The following WIPF2 variants were observed in gnomAD, a reference collection of about 807,000 sequenced individuals.
The protein encoded by WIPF2 is WAS/WASL-interacting protein family member 2.
In WIPF2, 23 loss-of-function variants were observed where a neutral mutation model predicts 38.8. The ratio of observed to expected loss-of-function variants is 0.59; its 90% CI spans 0.43 to 0.84. WIPF2 has a LOEUF of 0.84. Ranked by LOEUF, WIPF2 falls within the 40% of genes least tolerant of loss-of-function variation. WIPF2 has a pLI of 0.00. For missense variants in WIPF2, 574 were observed against 580.5 expected (o/e 0.99, Z 0.11); for synonymous variants, 210 against 223.2 (o/e 0.94, Z 0.53).
At chr17:40,251,837 G>A (rs886920657) in intron 1 of WIPF2, among the ~76,000 whole-genome samples, 1 of 152,240 alleles carries the variant, frequency 6.6e-6, no homozygotes, top group Non-Finnish European at 1.5e-5. Context: ...AAATGTCATT[G>A]ATAGGAGTGT....
intron 5 of WIPF2, among the ~76,000 whole-genome samples, chr17:40,269,464 TCACGCCACTG>T (rs2032183782): frequency 6.6e-6 from 1 of 151,186 alleles, no homozygotes; most frequent in Admixed American, 6.6e-5. Context: ...AGAGCTGAGA[TCACGCCACTG>T]CACTCCAGCC....
chr17:40,276,967 C>T, intron 6 of WIPF2, 116 bp from the exon 7 acceptor site: 9 of 876,188 alleles, frequency 1.0e-5, no homozygotes. Flanking sequence ...GGCAGTAGGT[C>T]CTCACAGTAC....
intron 6 of WIPF2, among the ~76,000 whole-genome samples, 181 bp from the exon 7 acceptor site, chr17:40,276,902 A>G (rs1212856375): frequency 6.6e-6 from 1 of 152,164 alleles, no homozygotes; most frequent in Non-Finnish European, 1.5e-5. Context: ...TGCTCTGTGC[A>G]TGCAAGGCAC....
At chr17:40,253,521 A>C (rs1305852994) in intron 1 of WIPF2, among the ~76,000 whole-genome samples, 1 of 152,128 alleles carries the variant, frequency 6.6e-6, no homozygotes, top group Non-Finnish European at 1.5e-5. Context: ...CCTTTCCCCC[A>C]CCTGGTGATA....
intron 1 of WIPF2, among the ~76,000 whole-genome samples, chr17:40,250,978 A>G (rs964774178): frequency 2.1e-5 from 3 of 145,228 alleles, no homozygotes; most frequent in African/African-American, 5.2e-5. Context: ...CAGTGGCGCA[A>G]TCTCGGCTCA....
At chr17:40,243,666 A>G (rs897596545) in intron 1 of WIPF2, among the ~76,000 whole-genome samples, 3 of 151,448 alleles carry the variant, frequency 2.0e-5, no homozygotes, top group African/African-American at 7.3e-5. Flanking sequence ...GGCATACGCC[A>G]CCACACCCGG....
intron 2 of WIPF2, among the ~76,000 whole-genome samples, chr17:40,257,519 G>A (rs1048724516): frequency 1.8e-4 from 27 of 151,906 alleles, no homozygotes; most frequent in African/African-American, 6.3e-4. Context: ...ACATGAGAAG[G>A]AAGGAACCTG....
At chr17:40,222,654 G>GTTTTTTTTT (rs58758484) in intron 1 of WIPF2, among the ~76,000 whole-genome samples, 9 of 52,860 alleles carry the variant, frequency 1.7e-4, no homozygotes, top group Admixed American at 2.7e-4. Context: ...TGCATATTCA[G>GTTTTTTTTT]TTTTTTTTTT....
chr17:40,271,355 T>A (rs547162602), intron 5 of WIPF2, among the ~76,000 whole-genome samples: 1 of 152,342 alleles, frequency 6.6e-6, no homozygotes, highest in African/African-American at 2.4e-5. Flanking sequence ...GTCACAACTA[T>A]TTATTGGGCC....
chr17:40,264,948 C>T lies in WIPF2; in HGVS notation c.772C>T (p.Pro258Ser). The T allele has an allele frequency of 6.2e-7, 1 of 1,614,220 alleles. No homozygotes were observed. Among genetic ancestry groups the T allele is most frequent in the South Asian group, 1.1e-5 (1 of 91,090 alleles). ...TCCTCCTCCTCCGCCTTACCGCCAG[C>T]CTCCTGGGGTCCCCAATGGACCCTC... The part of the protein sequence containing the change: ...LAPPPPPYRQ[P>S]PGVPNGPSSP... The change falls in exon 5 of 8, where the codon CCT (proline) becomes TCT (serine). Residue 258 changes from proline (P) to serine (S), a missense_variant. Transcript: ENST00000323571.
Position 40,265,056 on chromosome 17 carries a change from C to T in WIPF2, c.880C>T (p.Leu294=), listed in dbSNP as rs752070798. 4.3e-6 allele frequency: 7 copies of T among 1,614,042 alleles called. No homozygotes were observed. The highest frequency in any genetic ancestry group is 1.7e-5 in the Admixed American group (1 of 60,018). The change falls in exon 5 of 8, where the codon CTA becomes TTA. Residue 294 remains leucine, a synonymous_variant. Transcript: ENST00000323571. ...GAAGACACCAGGGCCTGTCAGAGGCCTAGCACCTCCTCCACCCACCTCGGC... is the reference window on the plus strand; with the variant it reads ...GAAGACACCAGGGCCTGTCAGAGGCTTAGCACCTCCTCCACCCACCTCGGC... ...HRKTPGPVRG[L]APPPPTSASP... is the part of the protein sequence containing the mutation.
At chr17:40,260,696 CT>C (rs1567720335) in intron 3 of WIPF2, 29 bp downstream of exon 3, 1 of 1,613,374 alleles carries the variant, frequency 6.2e-7, no homozygotes, top group African/African-American at 1.3e-5. Context: ...TCCTAGTGAA[CT>C]GGCAGGATCC....
intron 2 of WIPF2, among the ~76,000 whole-genome samples, chr17:40,258,988 C>T (rs1422240593): frequency 7.2e-6 from 1 of 138,174 alleles, no homozygotes; most frequent in African/African-American, 2.7e-5. Context: ...GTGGCTCACA[C>T]CTGTAATCCC....
intron 1 of WIPF2, among the ~76,000 whole-genome samples, chr17:40,253,220 A>G (rs2031614691): frequency 6.6e-6 from 1 of 151,212 alleles, no homozygotes; most frequent in African/African-American, 2.4e-5. Flanking sequence ...CTGCCACCAC[A>G]CCCAGCTAAT....
chr17:40,260,374 A>G (rs1426998147), intron 2 of WIPF2, among the ~76,000 whole-genome samples, 161 bp from the exon 3 acceptor site: 1 of 151,556 alleles, frequency 6.6e-6, no homozygotes, highest in Non-Finnish European at 1.5e-5. Context: ...TTTAGTAGAG[A>G]TGGGGTTTCA....
intron 1 of WIPF2, among the ~76,000 whole-genome samples, chr17:40,236,268 C>A (rs2030964241): frequency 6.6e-6 from 1 of 151,748 alleles, no homozygotes; most frequent in Non-Finnish European, 1.5e-5. Flanking sequence ...CTGTGCCCAG[C>A]CTAGATATAA....
At chr17:40,276,263 T>G (rs1042961097) in intron 6 of WIPF2, among the ~76,000 whole-genome samples, 1 of 152,150 alleles carries the variant, frequency 6.6e-6, no homozygotes, top group Non-Finnish European at 1.5e-5. Flanking sequence ...CCTGGTGGCT[T>G]ACGCCAGTAA....
chr17:40,223,774 A>G (rs2030355792), intron 1 of WIPF2, among the ~76,000 whole-genome samples: 2 of 151,676 alleles, frequency 1.3e-5, no homozygotes, highest in African/African-American at 4.9e-5. Flanking sequence ...TTTTGTAGAG[A>G]CGAGGTTTCA....
chr17:40,278,152 T>G, intron 7 of WIPF2, 33 bp from the exon 8 acceptor site: 1 of 1,604,620 alleles, frequency 6.2e-7, no homozygotes, highest in Non-Finnish European at 8.5e-7. Flanking sequence ...GGGTGACCTG[T>G]ATGTGTGTGG....
Sources: gnomAD v4.1 joint callset for allele counts (sites outside exome capture counted in the v4.1 genomes callset) on GRCh38, gnomAD v4.1.1 for gene constraint, MANE v1.5 for transcripts, NCBI Gene and HGNC (gene_info 2026-07-23, HGNC 2026-07-21) for gene names.